Variants in TMEM63C observed in about 807,000 individuals in gnomAD.
TMEM63C encodes the protein osmosensitive cation channel TMEM63C.
A neutral mutation model predicts 99.2 loss-of-function variants in TMEM63C; 32 were observed. The observed-to-expected ratio is 0.32, with a 90% CI of 0.24 to 0.43. TMEM63C has a LOEUF of 0.43. Among genes scored for constraint, TMEM63C ranks in the 20% least tolerant of loss-of-function variants. The pLI is 1.00. For missense variants in TMEM63C, 826 were observed against 1,053.0 expected (o/e 0.78, Z 2.98); for synonymous variants, 376 against 397.9 (o/e 0.94, Z 0.66).
chr14:77,220,006 C>T lies in TMEM63C; in HGVS notation c.231C>T (p.Ser77=), dbSNP rs1406446026. 3.9e-6 allele frequency: 6 copies of T among 1,557,270 alleles called. No individual in the cohort carries two copies. The highest frequency in any genetic ancestry group is 2.4e-5 in the South Asian group (2 of 84,298). Reference sequence around the variant, plus strand: ...TCCCTGCCCCTTCCCTGGCTGGCAGCCTGACCTCGCTGATCTATGGGGAGC... The same window carrying T: ...TCCCTGCCCCTTCCCTGGCTGGCAGTCTGACCTCGCTGATCTATGGGGAGC... ...GRLALLIHND[S]LTSLIYGEQS... Residue 77 remains serine, a splice_region_variant and synonymous_variant, in exon 5 of 24, where the codon AGC becomes AGT. Transcript: ENST00000298351.
intron 23 of TMEM63C, among the ~76,000 whole-genome samples, chr14:77,256,323 T>C (rs1257055559): frequency 6.6e-6 from 1 of 152,124 alleles, no homozygotes; most frequent in African/African-American, 2.4e-5. Flanking sequence ...GAACCAGCCC[T>C]GGGAGCACCT....
chr14:77,219,425 G>T (rs959950188), intron 3 of TMEM63C, 73 bp from the exon 4 acceptor site: 2 of 1,501,982 alleles, frequency 1.3e-6, no homozygotes, highest in Non-Finnish European at 1.8e-6. Flanking sequence ...TCCCCCAAGG[G>T]AATGCAGGGG....
At chr14:77,184,627 T>C (rs905530700) in intron 1 of TMEM63C, among the ~76,000 whole-genome samples, 1 of 152,222 alleles carries the variant, frequency 6.6e-6, no homozygotes, top group African/African-American at 2.4e-5. Flanking sequence ...AGTGCTCAGC[T>C]TCCAGTGAGA....
chr14:77,250,430 C>CTTTTTTTTTT (rs796757847), intron 21 of TMEM63C, among the ~76,000 whole-genome samples: 4 of 140,906 alleles, frequency 2.8e-5, no homozygotes, highest in South Asian at 2.3e-4. Context: ...TGTTTTCTTT[C>CTTTTTTTTTT]TTTTTTTTTT....
intron 1 of TMEM63C, among the ~76,000 whole-genome samples, chr14:77,196,759 TGTATCAATA>T (rs1371577926): frequency 6.6e-6 from 1 of 152,226 alleles, no homozygotes; most frequent in African/African-American, 2.4e-5. Flanking sequence ...AAGTATTACT[TGTATCAATA>T]GTGTAGTTTC....
At chr14:77,249,603 G>GGGTGT in intron 21 of TMEM63C, 145 bp downstream of exon 21, 1 of 827,018 alleles carries the variant, frequency 1.2e-6, no homozygotes, top group Non-Finnish European at 1.9e-6. Context: ...TGACTTCTCT[G>GGGTGT]GGCCTAAAGG....
chr14:77,203,568 A>G (rs1398213992), intron 1 of TMEM63C, among the ~76,000 whole-genome samples: 2 of 152,174 alleles, frequency 1.3e-5, no homozygotes, highest in African/African-American at 2.4e-5. Flanking sequence ...CTGCCTGGCC[A>G]TGCACCCATT....
chr14:77,214,044 C>G (rs1357430313), intron 2 of TMEM63C, among the ~76,000 whole-genome samples: 1 of 151,928 alleles, frequency 6.6e-6, no homozygotes, highest in African/African-American at 2.4e-5. Flanking sequence ...CACCTCCTGT[C>G]CCCTGCTTCA....
chr14:77,256,269 T>G (rs1422803231), intron 23 of TMEM63C, among the ~76,000 whole-genome samples: 3 of 152,208 alleles, frequency 2.0e-5, no homozygotes, highest in African/African-American at 7.2e-5. Flanking sequence ...GAATGGGACA[T>G]GTTCTAAAGG....
intron 6 of TMEM63C, among the ~76,000 whole-genome samples, chr14:77,226,104 A>C (rs947166229): frequency 6.6e-6 from 1 of 152,218 alleles, no homozygotes. Flanking sequence ...GCATACACAC[A>C]TGCACACTCA....
At chr14:77,251,993 A>G in intron 22 of TMEM63C, 95 bp downstream of exon 22, 1 of 1,001,944 alleles carries the variant, frequency 1.0e-6, no homozygotes, top group Non-Finnish European at 1.6e-6. Flanking sequence ...ATAGCACCAC[A>G]GGATGAAAGG....
intron 1 of TMEM63C, among the ~76,000 whole-genome samples, chr14:77,210,254 G>T (rs907502033): frequency 6.6e-6 from 1 of 152,092 alleles, no homozygotes; most frequent in Non-Finnish European, 1.5e-5. Context: ...ACACTGTCTA[G>T]GTGATTCCAG....
Position 77,253,341 on chromosome 14 carries a change from G to A in TMEM63C, c.2185G>A (p.Glu729Lys). The change falls in exon 23 of 24, where the codon GAG becomes AAG. Residue 729 changes from glutamate (E) to lysine (K), a missense_variant. Physicochemically the swap from Glu to Lys is moderately conservative, Grantham distance 56. Transcript: ENST00000298351. ...GGAGATCCAGACAGTGTTTGACATGGAGCCAAGCAGCACCTCCTCCACGCC... is the reference window on the plus strand; with the variant it reads ...GGAGATCCAGACAGTGTTTGACATGAAGCCAAGCAGCACCTCCTCCACGCC... ...EEEIQTVFDMEPSSTSSTPTS... is the reference protein window; with the variant it reads ...EEEIQTVFDMKPSSTSSTPTS... 1.2e-6 allele frequency: 2 copies of A among 1,613,098 alleles called. No homozygotes were observed. Among genetic ancestry groups the A allele is most frequent in the Non-Finnish European group, 1.7e-6 (2 of 1,179,674 alleles).
At position 77,193,615 on chromosome 14, in the gene TMEM63C, A is replaced by G. The variant is rs373145977; in HGVS notation, c.-77+11721A>G. Among the ~76,000 whole-genome samples, 18 of 152,236 alleles carry G rather than the reference A, an allele frequency of 1.2e-4. No individual in the cohort carries two copies. In the East Asian group the frequency reaches 3.3e-3, roughly 28 times the overall value. On this transcript the variant is annotated intron_variant, in intron 1 of 23. Transcript: ENST00000298351. ...TTTGGGAGGTCGAGGCGGGCGGATC[A>G]CCTGAGGTTGGGAGTTTGAGAGCAG...
At chr14:77,224,836 T>G (rs1888788627) in intron 5 of TMEM63C, among the ~76,000 whole-genome samples, 1 of 152,150 alleles carries the variant, frequency 6.6e-6, no homozygotes, top group Non-Finnish European at 1.5e-5. Context: ...TAAGGGATTT[T>G]TTTTTTTAAT....
At chr14:77,199,763 C>T (rs891207799) in intron 1 of TMEM63C, among the ~76,000 whole-genome samples, 1 of 152,198 alleles carries the variant, frequency 6.6e-6, no homozygotes, top group African/African-American at 2.4e-5. Context: ...GCCTGGACTC[C>T]TTCACCTCCA....
At chr14:77,231,454 GA>G in intron 6 of TMEM63C, 133 bp from the exon 7 acceptor site, 1 of 886,666 alleles carries the variant, frequency 1.1e-6, no homozygotes, top group Non-Finnish European at 1.7e-6. Context: ...TTATATATGA[GA>G]TATAGAGATA....
At chr14:77,246,228 T>G (rs1366988817) in intron 17 of TMEM63C, among the ~76,000 whole-genome samples, 2 of 152,188 alleles carry the variant, frequency 1.3e-5, no homozygotes, top group African/African-American at 4.8e-5. Flanking sequence ...ACATAGAGCT[T>G]ATCATCTGGC....
intron 1 of TMEM63C, among the ~76,000 whole-genome samples, chr14:77,194,500 TC>T (rs1888173753): frequency 1.1e-4 from 1 of 8,910 alleles, no homozygotes; most frequent in African/African-American, 3.2e-4. Flanking sequence ...CTTTTTTCTT[TC>T]TTTCTTTCTT....
Sources: allele counts gnomAD v4.1 joint callset (sites outside exome capture counted in the v4.1 genomes callset), GRCh38; gene constraint gnomAD v4.1.1; transcripts MANE v1.5; gene names NCBI Gene and HGNC (gene_info 2026-07-23, HGNC 2026-07-21).